SLC35F3: variants seen among roughly 807,000 people sequenced by gnomAD.
The protein encoded by SLC35F3 is putative thiamine transporter SLC35F3.
A neutral mutation model predicts 49.9 loss-of-function variants in SLC35F3; 25 were observed. The observed-to-expected ratio is 0.50, with a 90% CI of 0.37 to 0.70. The LOEUF (loss-of-function observed/expected upper bound fraction) is 0.70. Among genes scored for constraint, SLC35F3 ranks in the 30% least tolerant of loss-of-function variants. SLC35F3 has a pLI of 0.00. For synonymous variants in SLC35F3, 275 were observed against 265.4 expected (o/e 1.04, Z -0.35); for missense variants, 525 against 639.8 (o/e 0.82, Z 1.94).
intron 2 of SLC35F3, among the ~76,000 whole-genome samples, chr1:234,172,307 C>T (rs1666410885): frequency 6.6e-6 from 1 of 152,312 alleles, no homozygotes; most frequent in East Asian, 1.9e-4. Context: ...AATCTTGGCT[C>T]ACTGCAACCT....
rs1395118139 is a variant in SLC35F3 at position 233,905,146 on chromosome 1, G to A, written c.53+16G>A. The A allele has an allele frequency of 1.9e-6, 3 of 1,552,112 alleles. No individual in the cohort carries two copies. The African/African-American group carries it at 4.1e-5, about 21-fold the overall frequency. The stretch of plus-strand genomic sequence containing the variant: ...GCATTGCCGTGTGAGTAGCGCCCCG[G>A]GCGTGGGTGAGCGAGCCGGCGGGCG... On this transcript the variant is annotated intron_variant, in intron 1 of 7. Coordinates refer to ENST00000366618, the MANE Select transcript of SLC35F3 (RefSeq NM_173508.4).
intron 2 of SLC35F3, among the ~76,000 whole-genome samples, chr1:234,165,598 C>T: frequency 6.6e-6 from 1 of 152,142 alleles, no homozygotes; most frequent in East Asian, 1.9e-4. Flanking sequence ...GTTGCCCCAG[C>T]TGATCTCAAA....
At chr1:234,030,128 C>T (rs1664037507) in intron 2 of SLC35F3, among the ~76,000 whole-genome samples, 1 of 152,154 alleles carries the variant, frequency 6.6e-6, no homozygotes, top group Non-Finnish European at 1.5e-5. Flanking sequence ...AGACAGAATA[C>T]ACTATTCCCA....
At chr1:234,243,687 G>T (rs1457025945) in intron 3 of SLC35F3, among the ~76,000 whole-genome samples, 1 of 152,212 alleles carries the variant, frequency 6.6e-6, no homozygotes. Flanking sequence ...CAAGCCACTG[G>T]TGTCCCGTTT....
intron 7 of SLC35F3, among the ~76,000 whole-genome samples, chr1:234,322,026 T>TAAC: frequency 8.3e-6 from 1 of 120,984 alleles, no homozygotes; most frequent in East Asian, 2.0e-4. Flanking sequence ...ACAAAAATAA[T>TAAC]AATAATAATA....
chr1:234,294,508 C>T (rs1668561568), intron 3 of SLC35F3, among the ~76,000 whole-genome samples: 1 of 152,204 alleles, frequency 6.6e-6, no homozygotes, highest in Non-Finnish European at 1.5e-5. Flanking sequence ...TCACCCTGGG[C>T]AGAATGCATC....
At chr1:234,212,297 A>G (rs1667056120) in intron 2 of SLC35F3, among the ~76,000 whole-genome samples, 1 of 152,256 alleles carries the variant, frequency 6.6e-6, no homozygotes, top group Non-Finnish European at 1.5e-5. Context: ...CATCCACATC[A>G]GCACAAGTAT....
intron 2 of SLC35F3, among the ~76,000 whole-genome samples, chr1:234,150,826 G>C (rs112121351): frequency 0.018 from 2,788 of 152,338 alleles, 81 homozygotes; most frequent in African/African-American, 0.064. Context: ...AAGCCACAGG[G>C]CCTGCCTGGT....
chr1:233,916,422 C>T (rs1030087114), intron 2 of SLC35F3, among the ~76,000 whole-genome samples: 2 of 152,184 alleles, frequency 1.3e-5, no homozygotes, highest in African/African-American at 2.4e-5. Flanking sequence ...CTTGCACCAC[C>T]ACATCTGGCT....
intron 2 of SLC35F3, among the ~76,000 whole-genome samples, chr1:233,930,137 A>G (rs77663292): frequency 0.01 from 1,368 of 136,660 alleles, 18 homozygotes; most frequent in Non-Finnish European, 0.012. Flanking sequence ...TGCCAGAGTG[A>G]GACCCCATTT....
Position 234,046,176 on chromosome 1 carries a change from T to G in SLC35F3, c.283+140418T>G, listed in dbSNP as rs766703820. On this transcript the variant is annotated intron_variant, in intron 2 of 7. Coordinates refer to ENST00000366618, the MANE Select transcript of SLC35F3 (RefSeq NM_173508.4). This position sits in a 1 kb window ranked among gnomAD's most constrained non-coding sequence, Gnocchi z 4.4. The stretch of plus-strand genomic sequence containing the variant: ...GCAAAGTAAAATTGTGAGGTCAGAG[T>G]TATGAGCATATTTGGCTTTTAAGAG... 9.9e-5 allele frequency among the ~76,000 whole-genome samples: 15 copies of G among 152,144 alleles called. No individual in the cohort carries two copies. Among genetic ancestry groups the G allele is most frequent in the Non-Finnish European group, 2.1e-4 (14 of 68,004 alleles).
chr1:234,105,875 G>C (rs567161539), intron 2 of SLC35F3, among the ~76,000 whole-genome samples: 1 of 152,176 alleles, frequency 6.6e-6, no homozygotes, highest in South Asian at 2.1e-4. Flanking sequence ...TGTTACTTCT[G>C]GGTAGAAGCT....
intron 2 of SLC35F3, among the ~76,000 whole-genome samples, chr1:233,924,501 C>T (rs1662123713): frequency 6.6e-6 from 1 of 152,124 alleles, no homozygotes; most frequent in Admixed American, 6.6e-5. Flanking sequence ...TCTGCCTTAT[C>T]ATTTTTTATT....
intron 2 of SLC35F3, among the ~76,000 whole-genome samples, chr1:234,096,885 C>CTTTTTT (rs34404610): frequency 6.8e-5 from 9 of 132,106 alleles, no homozygotes; most frequent in Non-Finnish European, 6.4e-5. Flanking sequence ...TTGTTAAATT[C>CTTTTTT]TTTTTTTTTT....
chr1:234,237,713 C>T (rs890938000), intron 3 of SLC35F3, among the ~76,000 whole-genome samples: 1 of 152,164 alleles, frequency 6.6e-6, no homozygotes, highest in African/African-American at 2.4e-5. Context: ...TCATTCGTTC[C>T]ACAAAATCTT....
At chr1:234,145,530 T>A (rs1419478543) in intron 2 of SLC35F3, among the ~76,000 whole-genome samples, 1 of 152,180 alleles carries the variant, frequency 6.6e-6, no homozygotes. Context: ...GTACTCCATA[T>A]CCATGAGCCG....
At chr1:233,914,137 G>C (rs1571976816) in intron 2 of SLC35F3, among the ~76,000 whole-genome samples, 1 of 152,006 alleles carries the variant, frequency 6.6e-6, no homozygotes, top group Admixed American at 6.6e-5. Flanking sequence ...CTTCCTCCTG[G>C]GCCGTGTAGA....
chr1:233,989,785 T>C (rs1663324149), intron 2 of SLC35F3, among the ~76,000 whole-genome samples: 1 of 152,192 alleles, frequency 6.6e-6, no homozygotes, highest in South Asian at 2.1e-4. Context: ...GAAACATATA[T>C]AAATATCTGA....
intron 4 of SLC35F3, among the ~76,000 whole-genome samples, chr1:234,311,523 C>G (rs1040714421): frequency 6.6e-6 from 1 of 152,216 alleles, no homozygotes; most frequent in African/African-American, 2.4e-5. Context: ...GTGGAATTGG[C>G]TGCTAAGGAG....
Sources: allele counts gnomAD v4.1 joint callset (sites outside exome capture counted in the v4.1 genomes callset), GRCh38; gene constraint gnomAD v4.1.1; non-coding constraint Gnocchi (gnomAD v3.1); transcripts MANE v1.5; gene names NCBI Gene and HGNC (gene_info 2026-07-23, HGNC 2026-07-21).